The following SACS variants were observed in gnomAD, a reference collection of about 807,000 sequenced individuals.
SACS encodes sacsin.
In SACS, 197 loss-of-function variants were observed where a neutral mutation model predicts 348.0. That is an observed-to-expected ratio of 0.57 (90% confidence interval 0.50 to 0.64). The LOEUF is 0.64. Among genes scored for constraint, SACS ranks in the 30% least tolerant of loss-of-function variants. The pLI is 0.00. For missense variants in SACS, 4,999 were observed against 5,360.8 expected (o/e 0.93, Z 2.11); for synonymous variants, 1,985 against 1,910.6 (o/e 1.04, Z -1.02).
intron 2 of SACS, among the ~76,000 whole-genome samples, chr13:23,386,074 C>T (rs1162378692): frequency 6.6e-6 from 1 of 152,226 alleles, no homozygotes; most frequent in African/African-American, 2.4e-5. Flanking sequence ...GTAGATATAG[C>T]ATAATGCTTA....
rs534227465 is a variant in SACS, at chr13:23,346,379, C to T, written c.2186-4689G>A. Among the ~76,000 whole-genome samples, 14 of 152,286 alleles carry T rather than the reference C, an allele frequency of 9.2e-5. No homozygotes were observed. In the East Asian group the frequency reaches 2.7e-3, roughly 29 times the overall value. On this transcript the variant is annotated intron_variant, in intron 9 of 9. Transcript: ENST00000382292. ...CAAGCTGGTCTTGAACTCCTGACCT[C>T]GTGACCCACCTGCCTCTGCCTCCCA...
chr13:23,411,736 T>A lies in SACS; in HGVS notation c.-497A>T, dbSNP rs1304929403. On this transcript the variant is annotated 5_prime_UTR_variant, in exon 2 of 10. Transcript: ENST00000382292. ...CATGGGCATCTTGGCCTCACTTCTG[T>A]GATCCTGGAAGAAAAATCAAGGAAG... 1.3e-5 allele frequency: 2 copies of A among 159,774 alleles called. No homozygotes were observed. The highest frequency in any genetic ancestry group is 4.8e-5 in the African/African-American group (2 of 41,490). 9.9% of individuals were successfully genotyped at this position (159,774 alleles called of 1,614,324 possible).
At position 23,339,423 on chromosome 13, in the gene SACS, C is replaced by T. The variant is rs371658440; in HGVS notation, c.4453G>A (p.Ala1485Thr). 4 of 1,607,002 alleles carry T rather than the reference C, an allele frequency of 2.5e-6. No homozygotes were observed. Among genetic ancestry groups the T allele is most frequent in the Non-Finnish European group, 2.5e-6 (3 of 1,177,580 alleles). The change falls in exon 10 of 10, where the codon GCT becomes ACT. Residue 1485 changes from alanine to threonine, a missense_variant. Physicochemically the swap from Ala to Thr is moderately conservative, Grantham distance 58. Coordinates refer to ENST00000382292, the MANE Select transcript of SACS (RefSeq NM_014363.6). ...CATTCTGTTGCATTTGCATCATCAG[C>T]GTTTTGAAGTAGTTCTTTAAAAATA... ...SDIFKELLQN[A>T]DDANATECSF...
At chr13:23,388,679 T>C (rs188301682) in intron 2 of SACS, among the ~76,000 whole-genome samples, 298 of 111,282 alleles carry the variant, frequency 2.7e-3, no homozygotes, top group Non-Finnish European at 4.2e-3. Flanking sequence ...AGCTAAGCCA[T>C]GGGTACACAA....
intron 9 of SACS, among the ~76,000 whole-genome samples, chr13:23,345,830 ATATCC>A (rs1869562794): frequency 6.6e-6 from 1 of 152,208 alleles, no homozygotes; most frequent in Non-Finnish European, 1.5e-5. Context: ...AGCAAATCTT[ATATCC>A]TATAAGTTTC....
chr13:23,387,410 A>C (rs889523878), intron 2 of SACS, among the ~76,000 whole-genome samples: 2 of 146,984 alleles, frequency 1.4e-5, no homozygotes, highest in African/African-American at 5.0e-5. Flanking sequence ...TGCAGTGAGC[A>C]GAGATCGTGC....
rs745551739 is a variant in SACS, at chr13:23,330,236, A to T, written c.13640T>A (p.Ile4547Asn). The change falls in exon 10 of 10, where the codon ATC becomes AAC. Residue 4547 changes from isoleucine to asparagine, a missense_variant. This residue lies in a region of SACS where 254 missense variants were observed against 275.1 expected (regional missense o/e 0.92). Transcript: ENST00000382292. ...RYPDLLPFPQ[I>N]PNDRFTSEVA... The stretch of plus-strand genomic sequence containing the variant: ...CTCAGAAGTGAACCTGTCATTTGGG[A>T]TCTGAGGAAAGGGAAGCAAATCAGG... The T allele has an allele frequency of 6.2e-7, 1 of 1,614,126 alleles. No individual in the cohort carries two copies. Among genetic ancestry groups the T allele is most frequent in the South Asian group, 1.1e-5 (1 of 91,084 alleles).
At chr13:23,352,562 C>G (rs1284192578) in intron 9 of SACS, among the ~76,000 whole-genome samples, 2 of 152,086 alleles carry the variant, frequency 1.3e-5, no homozygotes, top group African/African-American at 4.8e-5. Flanking sequence ...TTTCACTAAG[C>G]CTACATTTAT....
intron 1 of SACS, chr13:23,428,455 G>C (rs779381896): frequency 6.6e-6 from 1 of 152,188 alleles, no homozygotes; most frequent in Non-Finnish European, 1.5e-5. Context: ...TTAAAGGTAA[G>C]GCACAGCAAG....
chr13:23,340,102 G>T lies in SACS; in HGVS notation c.3774C>A (p.Phe1258Leu), dbSNP rs202032882. Residue 1258 changes from phenylalanine (F) to leucine (L), a missense_variant, in exon 10 of 10, where the codon TTC (phenylalanine) becomes TTA (leucine). Phe to Leu is a conservative substitution (Grantham distance 22, BLOSUM62 0). This residue lies in a region of SACS where 3,156 missense variants were observed against 3,380.1 expected (regional missense o/e 0.93). Transcript: ENST00000382292. ...TCCCTTCATTTAGATGATCATGCAT[G>T]AATCCGTAAATCTCAAGCAAAATAT... is the stretch of plus-strand genomic sequence containing the variant. ...FQHILLEIYGFMHDHLNEGKD... is the reference protein window; with the variant it reads ...FQHILLEIYGLMHDHLNEGKD... The T allele has an allele frequency of 1.4e-5, 23 of 1,613,984 alleles. No homozygotes were observed. Among genetic ancestry groups the T allele is most frequent in the Non-Finnish European group, 1.9e-5 (23 of 1,179,954 alleles).
chr13:23,374,345 T>TA lies in SACS; in HGVS notation c.171+773dup, dbSNP rs1871607533. Among the ~76,000 whole-genome samples the TA allele has an allele frequency of 7.2e-5, 11 of 152,272 alleles. No homozygotes were observed. In the South Asian group the frequency reaches 2.3e-3, roughly 32 times the overall value. On this transcript the variant is annotated intron_variant, in intron 3 of 9. Coordinates refer to ENST00000382292, the MANE Select transcript of SACS (RefSeq NM_014363.6). The stretch of plus-strand genomic sequence containing the variant: ...CTTCACCAATAATATTTGTATCGAG[T>TA]AGTAAGGAAATTCAACACCTGAAAT...
At chr13:23,358,256 TC>T in intron 7 of SACS, 78 bp downstream of exon 7, 1 of 1,484,666 alleles carries the variant, frequency 6.7e-7, no homozygotes. Context: ...CAGTATCACC[TC>T]TGAAGTTAAC....
chr13:23,353,876 C>A lies in SACS; in HGVS notation c.2094G>T (p.Arg698Ser), dbSNP rs758320387. Residue 698 changes from arginine (R) to serine (S), a missense_variant and splice_region_variant, in exon 9 of 10, where the codon AGG becomes AGT. This residue lies in a region of SACS where 3,156 missense variants were observed against 3,380.1 expected (regional missense o/e 0.93). Coordinates refer to ENST00000382292, the MANE Select transcript of SACS (RefSeq NM_014363.6). The part of the protein sequence containing the change: ...VIYITSAEYP[R>S]SLFPSLEGRF... ...TTCCTTCAAGACTTGGGAAAAGGGACCTGAAAAGGGAAAGGAACAGCAATC... is the reference window on the plus strand; with the variant it reads ...TTCCTTCAAGACTTGGGAAAAGGGAACTGAAAAGGGAAAGGAACAGCAATC... The A allele has an allele frequency of 1.3e-6, 2 of 1,545,078 alleles. No homozygotes were observed. The highest frequency in any genetic ancestry group is 1.1e-5 in the South Asian group (1 of 89,606).
intron 2 of SACS, among the ~76,000 whole-genome samples, chr13:23,396,807 A>G (rs1872728533): frequency 6.6e-6 from 1 of 152,222 alleles, no homozygotes; most frequent in African/African-American, 2.4e-5. Flanking sequence ...GTATAATGTT[A>G]TAATATGTCT....
chr13:23,383,682 T>C (rs901426387), intron 2 of SACS, among the ~76,000 whole-genome samples: 3 of 152,006 alleles, frequency 2.0e-5, no homozygotes, highest in Non-Finnish European at 2.9e-5. Context: ...ATTGTCTCTC[T>C]CCCCCCAACA....
At chr13:23,429,080 CAT>C (rs1273218465) in intron 1 of SACS, among the ~76,000 whole-genome samples, 12 of 151,974 alleles carry the variant, frequency 7.9e-5, no homozygotes, top group East Asian at 7.7e-4. Flanking sequence ...AATAATATCA[CAT>C]ATGAGTGAAT....
chr13:23,404,865 C>T (rs1160350563), intron 2 of SACS, among the ~76,000 whole-genome samples: 4 of 152,112 alleles, frequency 2.6e-5, no homozygotes, highest in Non-Finnish European at 5.9e-5. Flanking sequence ...ATGTGAAGGA[C>T]CTTTTCAAGG....
chr13:23,375,698 G>T (rs1367419850), intron 2 of SACS, among the ~76,000 whole-genome samples: 1 of 133,608 alleles, frequency 7.5e-6, no homozygotes, highest in Admixed American at 7.6e-5. Context: ...GCCCCGCCCA[G>T]TCAAGTTCTG....
At chr13:23,392,302 A>C (rs1872557655) in intron 2 of SACS, among the ~76,000 whole-genome samples, 2 of 152,206 alleles carry the variant, frequency 1.3e-5, no homozygotes, top group Admixed American at 1.3e-4. Flanking sequence ...ATATGGAGGG[A>C]TGACAGTGGC....
Sources: allele counts gnomAD v4.1 joint callset (sites outside exome capture counted in the v4.1 genomes callset), GRCh38; gene constraint gnomAD v4.1.1; regional missense constraint gnomAD v4.1.1; transcripts MANE v1.5; gene names NCBI Gene and HGNC (gene_info 2026-07-23, HGNC 2026-07-21).